Variants in MGAT4C observed in about 807,000 individuals in gnomAD.
The protein encoded by MGAT4C is alpha-1,3-mannosyl-glycoprotein 4-beta-N-acetylglucosaminyltransferase C.
In MGAT4C, 19 loss-of-function variants were observed where a neutral mutation model predicts 40.1. The ratio of observed to expected loss-of-function variants is 0.47; its 90% CI spans 0.33 to 0.70. MGAT4C has a LOEUF of 0.70. Ranked by LOEUF, MGAT4C falls within the 30% of genes least tolerant of loss-of-function variation. MGAT4C has a pLI of 0.02. For missense variants in MGAT4C, 491 were observed against 563.2 expected (o/e 0.87, Z 1.30); for synonymous variants, 181 against 187.1 (o/e 0.97, Z 0.27).
intron 1 of MGAT4C, among the ~76,000 whole-genome samples, chr12:86,227,673 C>T (rs1290878644): frequency 2.0e-5 from 3 of 151,962 alleles, no homozygotes; most frequent in Non-Finnish European, 4.4e-5. Context: ...CATGAGTCCA[C>T]ATTTGAATGT....
chr12:86,414,589 G>A (rs142732701), intron 3 of MGAT4C, among the ~76,000 whole-genome samples: 886 of 53,954 alleles, frequency 0.016, 7 homozygotes, highest in African/African-American at 0.056. Context: ...TAAAACAATC[G>A]TTAGTTACTT....
intron 1 of MGAT4C, among the ~76,000 whole-genome samples, chr12:86,166,160 A>G (rs1034801310): frequency 2.6e-5 from 4 of 152,202 alleles, no homozygotes; most frequent in Non-Finnish European, 5.9e-5. Context: ...GAACAAGTAG[A>G]CCACATATAT....
At chr12:86,501,344 T>C (rs1460416711) in intron 2 of MGAT4C, among the ~76,000 whole-genome samples, 4 of 152,144 alleles carry the variant, frequency 2.6e-5, no homozygotes, top group African/African-American at 9.6e-5. Flanking sequence ...TATTTTATTT[T>C]ATTTTAAGTT....
intron 3 of MGAT4C, among the ~76,000 whole-genome samples, chr12:86,401,821 G>A (rs1956369000): frequency 6.6e-6 from 1 of 152,000 alleles, no homozygotes. Context: ...TGTTATTTAA[G>A]TACATGAAAC....
chr12:86,794,876 C>G (rs919582296), intron 1 of MGAT4C, among the ~76,000 whole-genome samples: 1 of 151,710 alleles, frequency 6.6e-6, no homozygotes, highest in African/African-American at 2.4e-5. Context: ...TATATTTTAG[C>G]CACACAAAAG....
chr12:86,445,911 C>G lies in MGAT4C; in HGVS notation c.-228-10646G>C, dbSNP rs58249972. On this transcript the variant is annotated intron_variant, in intron 2 of 7. Transcript: ENST00000548651. ...TGAGTTTAATAACTAGGAAGAGGTA[C>G]AAAATAATCTTTCAAATATTGGTAA... Among the ~76,000 whole-genome samples the G allele has an allele frequency of 1.3e-3, 191 of 152,100 alleles. 4 individuals carry two copies. Among genetic ancestry groups the G allele is most frequent in the African/African-American group, 4.3e-3 (179 of 41,516 alleles).
At chr12:86,301,917 C>CCAAAT (rs1351727998) in intron 4 of MGAT4C, among the ~76,000 whole-genome samples, 3 of 141,330 alleles carry the variant, frequency 2.1e-5, no homozygotes, top group African/African-American at 9.3e-5. Flanking sequence ...ATGCAGGATT[C>CCAAAT]ACAAGAATAT....
At position 86,765,547 on chromosome 12, in the gene MGAT4C, T is replaced by A. The variant is rs1404480647; in HGVS notation, c.-261-38306A>T. Among the ~76,000 whole-genome samples, 17 of 151,748 alleles carry A rather than the reference T, an allele frequency of 1.1e-4. 1 individual carries two copies. Among genetic ancestry groups the A allele is most frequent in the South Asian group, 4.2e-4 (2 of 4,814 alleles). On this transcript the variant is annotated intron_variant, in intron 1 of 7. Transcript: ENST00000548651. ...AAAGATACCCCTTGAGAAGAGCAAC[T>A]CCAAGACACATAATTGTCAGATTCA...
intron 2 of MGAT4C, among the ~76,000 whole-genome samples, chr12:86,639,069 C>T (rs1349849197): frequency 6.6e-6 from 1 of 151,588 alleles, no homozygotes; most frequent in Non-Finnish European, 1.5e-5. Context: ...TCAATAATCA[C>T]TTTGGCCCTT....
At chr12:86,244,061 A>T (rs575685264) in intron 1 of MGAT4C, among the ~76,000 whole-genome samples, 1 of 152,316 alleles carries the variant, frequency 6.6e-6, no homozygotes, top group Non-Finnish European at 1.5e-5. Flanking sequence ...AAGTGAATTA[A>T]GATGAAAGAA....
chr12:86,828,923 G>A (rs959134522), intron 1 of MGAT4C, among the ~76,000 whole-genome samples: 11 of 151,450 alleles, frequency 7.3e-5, no homozygotes, highest in African/African-American at 2.2e-4. Flanking sequence ...CCTGGATTGC[G>A]GTGATAGTTG....
At chr12:86,404,518 A>T (rs1483376097) in intron 3 of MGAT4C, among the ~76,000 whole-genome samples, 1 of 152,132 alleles carries the variant, frequency 6.6e-6, no homozygotes, top group Non-Finnish European at 1.5e-5. Flanking sequence ...TCACACACAG[A>T]AAAAGAGTAA....
At chr12:86,068,554 T>A (rs992822956) in intron 1 of MGAT4C, 2 of 148,330 alleles carry the variant, frequency 1.3e-5, no homozygotes, top group East Asian at 3.9e-4. Context: ...TATAAATATA[T>A]ATAAGTATAT....
intron 2 of MGAT4C, among the ~76,000 whole-genome samples, chr12:86,037,566 G>T (rs1025132694): frequency 1.3e-5 from 2 of 150,182 alleles, no homozygotes; most frequent in Admixed American, 1.3e-4. Context: ...TCATTCAGGA[G>T]CAGGTTGTTT....
intron 2 of MGAT4C, among the ~76,000 whole-genome samples, chr12:86,679,786 C>T (rs962575504): frequency 1.3e-5 from 2 of 152,090 alleles, no homozygotes; most frequent in East Asian, 1.9e-4. Flanking sequence ...TCATCTTGAT[C>T]TTCTCAGCCT....
intron 3 of MGAT4C, among the ~76,000 whole-genome samples, chr12:86,338,895 G>A (rs1413790791): frequency 7.9e-6 from 1 of 126,488 alleles, no homozygotes; most frequent in African/African-American, 3.0e-5. Flanking sequence ...GGTGGCAGAA[G>A]TTGCAGTGAG....
At chr12:86,436,235 C>G (rs1957135584) in intron 2 of MGAT4C, among the ~76,000 whole-genome samples, 1 of 142,166 alleles carries the variant, frequency 7.0e-6, no homozygotes, top group African/African-American at 2.6e-5. Flanking sequence ...GCAAGTGCAA[C>G]AAAACAATTT....
At chr12:86,710,179 ATGTC>A (rs1950532107) in intron 2 of MGAT4C, among the ~76,000 whole-genome samples, 1 of 152,206 alleles carries the variant, frequency 6.6e-6, no homozygotes, top group African/African-American at 2.4e-5. Flanking sequence ...TGAAAGCAAG[ATGTC>A]TGTTTTCACT....
At chr12:86,522,183 G>A (rs1958806420) in intron 2 of MGAT4C, among the ~76,000 whole-genome samples, 1 of 152,026 alleles carries the variant, frequency 6.6e-6, no homozygotes, top group Non-Finnish European at 1.5e-5. Context: ...CCTGTGACAG[G>A]TTTCAAGAGG....
Sources: gnomAD v4.1 joint callset for allele counts (sites outside exome capture counted in the v4.1 genomes callset) on GRCh38, gnomAD v4.1.1 for gene constraint, MANE v1.5 for transcripts, NCBI Gene and HGNC (gene_info 2026-07-23, HGNC 2026-07-21) for gene names.